Variants in B3GALT1 observed in about 807,000 individuals in gnomAD.
B3GALT1 encodes the protein UDP-Gal:betaGlcNAc beta 1,3-galactosyltransferase, polypeptide 1.
Under a neutral mutation model 23.2 loss-of-function variants are expected in B3GALT1, and 10 were observed. The observed-to-expected ratio is 0.43, with a 90% CI of 0.27 to 0.73. B3GALT1 has a LOEUF of 0.73. Among genes scored for constraint, B3GALT1 ranks in the 30% least tolerant of loss-of-function variants. B3GALT1 has a pLI of 0.21. For synonymous variants in B3GALT1, 156 were observed against 141.5 expected, an observed-to-expected ratio of 1.10 and a Z score of -0.73; for missense variants, 299 against 405.4, an observed-to-expected ratio of 0.74 and a Z score of 2.25.
chr2:167,352,126 A>ATTT (rs79128775), intron 1 of B3GALT1, among the ~76,000 whole-genome samples: 20 of 138,260 alleles, frequency 1.4e-4, no homozygotes, highest in African/African-American at 5.1e-4. Context: ...TACCCGGCTA[A>ATTT]TTTTTTTTTT....
At chr2:167,303,682 C>CACAGAG (rs535369991) in intron 1 of B3GALT1, among the ~76,000 whole-genome samples, 4 of 148,724 alleles carry the variant, frequency 2.7e-5, no homozygotes, top group African/African-American at 1.0e-4. Flanking sequence ...CACACACACA[C>CACAGAG]AGAGAGAGAC....
chr2:167,831,761 C>T (rs188624385), intron 4 of B3GALT1, among the ~76,000 whole-genome samples: 31 of 152,236 alleles, frequency 2.0e-4, no homozygotes, highest in Admixed American at 1.2e-3. Context: ...ATCAGAGATG[C>T]AAGATTTTAC....
At chr2:167,709,942 A>G (rs78793663) in intron 3 of B3GALT1, among the ~76,000 whole-genome samples, 11 of 152,306 alleles carry the variant, frequency 7.2e-5, no homozygotes, top group African/African-American at 2.6e-4. Flanking sequence ...CACATAGCAC[A>G]TGCTCAATAA....
At chr2:167,339,015 GA>G (rs1697105160) in intron 1 of B3GALT1, among the ~76,000 whole-genome samples, 2 of 152,206 alleles carry the variant, frequency 1.3e-5, no homozygotes, top group Admixed American at 1.3e-4. Flanking sequence ...TTAAAATGTG[GA>G]TGACATTTAA....
chr2:167,538,690 A>G (rs1009643953), intron 2 of B3GALT1, among the ~76,000 whole-genome samples: 3 of 152,216 alleles, frequency 2.0e-5, no homozygotes, highest in Non-Finnish European at 2.9e-5. Flanking sequence ...GAAAAATTAT[A>G]AAGAAAATAA....
intron 2 of B3GALT1, among the ~76,000 whole-genome samples, chr2:167,497,715 G>A (rs931758450): frequency 1.3e-5 from 2 of 151,986 alleles, no homozygotes; most frequent in South Asian, 2.1e-4. Flanking sequence ...AGGAGACTCT[G>A]AGGTGACAAA....
At chr2:167,444,487 C>A (rs1312203591) in intron 1 of B3GALT1, among the ~76,000 whole-genome samples, 1 of 152,120 alleles carries the variant, frequency 6.6e-6, no homozygotes, top group Non-Finnish European at 1.5e-5. Flanking sequence ...GCTGTGAATC[C>A]ATCTGGTCCT....
rs143932657 is a variant in B3GALT1 at position 167,460,233 on chromosome 2, A to G, written c.-510-29944A>G. 1.1e-3 allele frequency among the ~76,000 whole-genome samples: 173 copies of G among 152,298 alleles called. 1 individual carries two copies. Among genetic ancestry groups the G allele is most frequent in the African/African-American group, 4.0e-3 (168 of 41,568 alleles). ...CTCTCACTTTTCTGGGAGTTCAACA[A>G]CACATATACTGTTTTGCTTGATGGT... On this transcript the variant is annotated intron_variant, in intron 1 of 4. Transcript: ENST00000392690.
chr2:167,348,946 A>T (rs1340220419), intron 1 of B3GALT1, among the ~76,000 whole-genome samples: 1 of 152,134 alleles, frequency 6.6e-6, no homozygotes, highest in Non-Finnish European at 1.5e-5. Context: ...TCTTTTGTGT[A>T]ATTGCAGTAG....
chr2:167,602,044 C>T (rs1265035791), intron 2 of B3GALT1, among the ~76,000 whole-genome samples: 2 of 152,118 alleles, frequency 1.3e-5, no homozygotes, highest in Non-Finnish European at 2.9e-5. Flanking sequence ...GCTGTATATT[C>T]CATGCAGATT....
chr2:167,447,015 G>C (rs1370382696), intron 1 of B3GALT1, among the ~76,000 whole-genome samples: 1 of 152,186 alleles, frequency 6.6e-6, no homozygotes, highest in African/African-American at 2.4e-5. Context: ...GGTCTTTGAT[G>C]ATGGTGAGGT....
chr2:167,591,398 T>TA (rs1325494396), intron 2 of B3GALT1, among the ~76,000 whole-genome samples: 1 of 152,144 alleles, frequency 6.6e-6, no homozygotes, highest in South Asian at 2.1e-4. Context: ...CTTTAACTCT[T>TA]ACAGACACAT....
At chr2:167,691,424 T>C (rs569531053) in intron 3 of B3GALT1, among the ~76,000 whole-genome samples, 2 of 152,276 alleles carry the variant, frequency 1.3e-5, no homozygotes, top group East Asian at 3.9e-4. Context: ...TCACTTTGTT[T>C]TCATCATCAA....
chr2:167,568,289 T>A (rs1033922909), intron 2 of B3GALT1, among the ~76,000 whole-genome samples: 2 of 152,132 alleles, frequency 1.3e-5, no homozygotes, highest in Admixed American at 1.3e-4. Context: ...TGGTAAGTTA[T>A]GTTTAGTTTG....
chr2:167,413,184 CAAGG>C (rs1343243647), intron 1 of B3GALT1, among the ~76,000 whole-genome samples: 1 of 151,766 alleles, frequency 6.6e-6, no homozygotes, highest in Non-Finnish European at 1.5e-5. Context: ...ATAAAGCTGA[CAAGG>C]AGAGAGATGG....
intron 3 of B3GALT1, among the ~76,000 whole-genome samples, chr2:167,685,578 A>T (rs1214890398): frequency 6.6e-6 from 1 of 152,174 alleles, no homozygotes; most frequent in Non-Finnish European, 1.5e-5. Flanking sequence ...CCTGAGGCAC[A>T]AAGGAGCCTG....
intron 1 of B3GALT1, among the ~76,000 whole-genome samples, chr2:167,404,648 G>A (rs562656620): frequency 6.6e-6 from 1 of 152,260 alleles, no homozygotes; most frequent in African/African-American, 2.4e-5. Context: ...TAAAATTGAT[G>A]TAAGATGGCA....
intron 3 of B3GALT1, among the ~76,000 whole-genome samples, chr2:167,664,663 A>G (rs947900397): frequency 4.6e-5 from 7 of 152,128 alleles, no homozygotes; most frequent in African/African-American, 9.7e-5. Flanking sequence ...AGTTCTCCTT[A>G]AAGAGATCCT....
At chr2:167,541,512 G>A (rs571658675) in intron 2 of B3GALT1, among the ~76,000 whole-genome samples, 63 of 152,196 alleles carry the variant, frequency 4.1e-4, no homozygotes, top group African/African-American at 1.5e-3. Context: ...AAGATTTTAA[G>A]TAATTCAGAT....
Sources: allele counts gnomAD v4.1 joint callset (sites outside exome capture counted in the v4.1 genomes callset), GRCh38; gene constraint gnomAD v4.1.1; transcripts MANE v1.5; gene names NCBI Gene and HGNC (gene_info 2026-07-23, HGNC 2026-07-21).